The following TJP2 variants were observed in gnomAD, a reference collection of about 807,000 sequenced individuals.
The protein encoded by TJP2 is Friedreich ataxia region gene X104 (tight junction protein ZO-2).
In TJP2, 91 loss-of-function variants were observed where a neutral mutation model predicts 133.1. The observed-to-expected ratio is 0.68, with a 90% confidence interval of 0.58 to 0.81. The LOEUF (loss-of-function observed/expected upper bound fraction) is 0.81, where lower values mean the gene tolerates loss of function less well. Among genes scored for constraint, TJP2 ranks in the 40% least tolerant of loss-of-function variants. The pLI, the probability that TJP2 is intolerant of heterozygous loss-of-function variation, is 0.00. For synonymous variants in TJP2, 592 were observed against 583.4 expected (o/e 1.01, Z -0.21); for missense variants, 1,541 against 1,565.6 (o/e 0.98, Z 0.26).
chr9:69,130,326 A>G (rs34851808), intron 1 of TJP2, among the ~76,000 whole-genome samples: 10,632 of 152,240 alleles, frequency 0.07, 381 homozygotes, highest in Admixed American at 0.086. Flanking sequence ...TGGATTTAGA[A>G]AAAGAAAACT....
chr9:69,211,959 A>G (rs1827946040), intron 1 of TJP2, among the ~76,000 whole-genome samples: 1 of 152,164 alleles, frequency 6.6e-6, no homozygotes, highest in African/African-American at 2.4e-5. Flanking sequence ...TTAAAATGAT[A>G]CCACCAGTTG....
intron 11 of TJP2, among the ~76,000 whole-genome samples, chr9:69,230,624 G>T (rs1468640924): frequency 6.6e-6 from 1 of 152,168 alleles, no homozygotes; most frequent in Non-Finnish European, 1.5e-5. Context: ...TTGAACAAAG[G>T]TGAGTGGTTG....
chr9:69,159,021 T>A (rs1823919431), intron 2 of TJP2, among the ~76,000 whole-genome samples: 1 of 150,400 alleles, frequency 6.6e-6, no homozygotes, highest in Non-Finnish European at 1.5e-5. Context: ...TTGAAAAAAA[T>A]ATGCCGGGCA....
Position 69,254,588 on chromosome 9 carries a change from CT to C in TJP2, c.*219del. On this transcript the variant is annotated 3_prime_UTR_variant, in exon 23 of 23. Coordinates refer to ENST00000377245, the MANE Select transcript of TJP2 (RefSeq NM_004817.4). Reference sequence around the variant, plus strand: ...GGGACTGGGTTAGAGGAGTCTGTGGCTTTTTGTTCAGAATTAAGCAGAACAC... The same window carrying C: ...GGGACTGGGTTAGAGGAGTCTGTGGCTTTTGTTCAGAATTAAGCAGAACAC... 1 of 640,558 alleles carries C rather than the reference CT, an allele frequency of 1.6e-6. No individual in the cohort carries two copies. The highest frequency in any genetic ancestry group is 2.8e-6 in the Non-Finnish European group (1 of 362,910). 39.7% of individuals were successfully genotyped at this position (640,558 alleles called of 1,614,324 possible).
chr9:69,252,722 T>C (rs1242341450), intron 21 of TJP2, 93 bp from the exon 22 acceptor site: 3 of 1,182,444 alleles, frequency 2.5e-6, no homozygotes, highest in African/African-American at 1.5e-5. Flanking sequence ...AAGTAGGATA[T>C]GGGGAAAGGG....
chr9:69,247,544 T>G (rs1226622582), intron 18 of TJP2, among the ~76,000 whole-genome samples: 1 of 152,168 alleles, frequency 6.6e-6, no homozygotes, highest in East Asian at 1.9e-4. Context: ...GCTTCCAGTT[T>G]GGAAGGGGGA....
At chr9:69,234,728 A>G (rs142102466) in intron 12 of TJP2, among the ~76,000 whole-genome samples, 181 bp downstream of exon 12, 3 of 152,282 alleles carry the variant, frequency 2.0e-5, no homozygotes, top group African/African-American at 7.2e-5. Context: ...ACTTTCCATA[A>G]AAATGTTTTC....
At chr9:69,177,412 G>A (rs972739102) in intron 1 of TJP2, among the ~76,000 whole-genome samples, 3 of 152,188 alleles carry the variant, frequency 2.0e-5, no homozygotes, top group Admixed American at 2.0e-4. Flanking sequence ...CAATGGTTAT[G>A]TGAACTTTGT....
At chr9:69,249,261 C>T (rs1447804837) in intron 19 of TJP2, 114 bp from the exon 20 acceptor site, 11 of 1,530,818 alleles carry the variant, frequency 7.2e-6, no homozygotes, top group Non-Finnish European at 8.8e-6. Context: ...AGCACCGGCT[C>T]AGAACCTCAA....
intron 17 of TJP2, among the ~76,000 whole-genome samples, chr9:69,245,036 G>T (rs778254427): frequency 3.3e-5 from 5 of 151,958 alleles, no homozygotes; most frequent in Non-Finnish European, 7.4e-5. Context: ...TTTGTCTCTG[G>T]GGTACAAAAT....
intron 20 of TJP2, among the ~76,000 whole-genome samples, chr9:69,249,965 C>A (rs967727233): frequency 2.0e-5 from 3 of 152,122 alleles, no homozygotes; most frequent in Non-Finnish European, 4.4e-5. Flanking sequence ...TTTAATAAAT[C>A]ATTATCCAGA....
chr9:69,197,314 C>T (rs1826656323), intron 1 of TJP2, among the ~76,000 whole-genome samples: 1 of 151,984 alleles, frequency 6.6e-6, no homozygotes. Context: ...TACTTTGGTC[C>T]ACCTTATTGT....
chr9:69,182,581 A>T (rs1825588715), intron 1 of TJP2, among the ~76,000 whole-genome samples: 1 of 152,074 alleles, frequency 6.6e-6, no homozygotes, highest in Non-Finnish European at 1.5e-5. Context: ...GGAAAGGTAG[A>T]CTCAATCTGC....
chr9:69,157,597 C>A (rs908629437), intron 2 of TJP2, among the ~76,000 whole-genome samples: 1 of 151,924 alleles, frequency 6.6e-6, no homozygotes, highest in African/African-American at 2.4e-5. Flanking sequence ...TCTTGAGTAG[C>A]TGGGATTAGA....
At position 69,230,220 on chromosome 9, in the gene TJP2, C is replaced by A. The variant is rs762781510; in HGVS notation, c.1659C>A (p.Asp553Glu). 1 of 1,614,094 alleles carries A rather than the reference C, an allele frequency of 6.2e-7. No individual in the cohort carries two copies. The highest frequency in any genetic ancestry group is 1.1e-5 in the South Asian group (1 of 91,070). ...SAEQEGLQEGDQILKVNTQDF... is the reference protein window; with the variant it reads ...SAEQEGLQEGEQILKVNTQDF... ...AGCAGGAGGGCCTTCAAGAAGGAGA[C>A]CAGATTCTGAAGGTAAGAACAGCCC... The change falls in exon 11 of 23, where the codon GAC becomes GAA. Residue 553 changes from aspartate (D) to glutamate (E), a missense_variant. Asp to Glu is a conservative substitution (Grantham distance 45, BLOSUM62 2). Coordinates refer to ENST00000377245, the MANE Select transcript of TJP2 (RefSeq NM_004817.4).
Position 69,238,714 on chromosome 9 carries a change from G to A in TJP2, c.2280G>A (p.Thr760=), listed in dbSNP as rs750807102. 26 of 1,613,626 alleles carry A rather than the reference G, an allele frequency of 1.6e-5. No homozygotes were observed. Among genetic ancestry groups the A allele is most frequent in the Non-Finnish European group, 2.2e-5 (26 of 1,179,714 alleles). The part of the protein sequence containing the change: ...ELPDWFQTAK[T]EPKDAGSEKS... ...TTCCTGTTTTTGCTTTTGCAGAAAC[G>A]GAACCAAAAGATGCAGGATCTGAGA... The change falls in exon 16 of 23, where the codon ACG becomes ACA. Residue 760 remains threonine (T), a synonymous_variant. Transcript: ENST00000377245.
intron 2 of TJP2, among the ~76,000 whole-genome samples, chr9:69,163,025 A>AAAACAT (rs375359961): frequency 1.5e-4 from 10 of 64,760 alleles, no homozygotes; most frequent in South Asian, 3.7e-4. Context: ...TCTTTATTTT[A>AAAACAT]TTTTATTTTT....
chr9:69,209,414 G>A lies in TJP2; in HGVS notation c.61-3134G>A, dbSNP rs1034889763. Among the ~76,000 whole-genome samples the A allele has an allele frequency of 2.6e-5, 4 of 152,206 alleles. No individual in the cohort carries two copies. The East Asian group carries it at 5.8e-4, about 22-fold the overall frequency. On this transcript the variant is annotated intron_variant, in intron 1 of 22. Transcript: ENST00000377245. The stretch of plus-strand genomic sequence containing the variant: ...CTCCCAAAGTGTTGGGATTATAGGC[G>A]TGAACCATCACGCCCGACCCGGTTT...
In TJP2 at chr9:69,234,532, C is replaced by T. The variant is rs760746355; in HGVS notation, c.1765C>T (p.Gln589Ter). Residue 589 changes from glutamine to a stop codon, truncating the protein, a stop_gained, in exon 12 of 23, where the codon CAG becomes TAG. Transcript: ENST00000377245. LOFTEE classifies it high-confidence loss of function. ...AGGTGAAATGGTGACCATTTTAGCT[C>T]AGAGCCGAGCCGATGGTGAGCAAAT... ...PKGEMVTILA[Q>*]SRADVYRDIL... 1.9e-6 allele frequency: 3 copies of T among 1,568,326 alleles called. No homozygotes were observed. Among genetic ancestry groups the T allele is most frequent in the South Asian group, 2.3e-5 (2 of 87,466 alleles).
Sources: gnomAD v4.1 joint callset for allele counts (sites outside exome capture counted in the v4.1 genomes callset) on GRCh38, gnomAD v4.1.1 for gene constraint, MANE v1.5 for transcripts, NCBI Gene and HGNC (gene_info 2026-07-23, HGNC 2026-07-21) for gene names.